Variants in HIF3A observed in about 807,000 individuals in gnomAD.
HIF3A encodes hypoxia inducible factor 3 subunit alpha.
A neutral mutation model predicts 67.2 loss-of-function variants in HIF3A; 41 were observed. The observed-to-expected ratio is 0.61, with a 90% CI of 0.48 to 0.79. The LOEUF (loss-of-function observed/expected upper bound fraction) is 0.79, where lower values mean the gene tolerates loss of function less well. Ranked by LOEUF, HIF3A falls within the 30% of genes least tolerant of loss-of-function variation. The probability of loss-of-function intolerance (pLI) is 0.00; values close to 1 mark genes in which losing one functional copy is unlikely to be tolerated. For missense variants in HIF3A, 855 were observed against 898.0 expected, an observed-to-expected ratio of 0.95 and a Z score of 0.61; for synonymous variants, 356 against 374.8, an observed-to-expected ratio of 0.95 and a Z score of 0.58.
At chr19:46,335,358 C>T (rs775668975) in intron 14 of HIF3A, among the ~76,000 whole-genome samples, 5 of 151,968 alleles carry the variant, frequency 3.3e-5, no homozygotes, top group Non-Finnish European at 7.4e-5. Context: ...CAACCTCCGC[C>T]TCCCAGGTTC....
At chr19:46,311,911 C>T (rs1969460013) in intron 6 of HIF3A, among the ~76,000 whole-genome samples, 1 of 152,080 alleles carries the variant, frequency 6.6e-6, no homozygotes, top group Non-Finnish European at 1.5e-5. Flanking sequence ...ATCATATCTG[C>T]AAAGTCCCTT....
At chr19:46,315,470 G>A (rs1252522262) in intron 8 of HIF3A, among the ~76,000 whole-genome samples, 1 of 149,020 alleles carries the variant, frequency 6.7e-6, no homozygotes, top group African/African-American at 2.4e-5. Flanking sequence ...GGAAGACGCT[G>A]GGCTGTTTCC....
At chr19:46,322,660 C>G (rs1207977714) in intron 10 of HIF3A, among the ~76,000 whole-genome samples, 2 of 152,136 alleles carry the variant, frequency 1.3e-5, no homozygotes, top group East Asian at 1.9e-4. Context: ...AGGCTGGTCT[C>G]GAGCTCCTGA....
At chr19:46,315,509 A>G (rs559672370) in intron 8 of HIF3A, among the ~76,000 whole-genome samples, 164 of 150,930 alleles carry the variant, frequency 1.1e-3, no homozygotes, top group Non-Finnish European at 1.7e-3. Flanking sequence ...AAAAACAGCT[A>G]CTGTAAACAT....
chr19:46,335,680 G>A (rs1317964342), intron 14 of HIF3A, among the ~76,000 whole-genome samples: 1 of 152,060 alleles, frequency 6.6e-6, no homozygotes, highest in African/African-American at 2.4e-5. Flanking sequence ...AGGCTGCAGT[G>A]AGCTATGATG....
intron 13 of HIF3A, 71 bp downstream of exon 13, chr19:46,331,344 T>C: frequency 7.9e-7 from 1 of 1,263,084 alleles, no homozygotes; most frequent in South Asian, 1.2e-5. Context: ...GTTTTATAGA[T>C]AGGAAACCAG....
chr19:46,321,754 C>T (rs1209226739), intron 9 of HIF3A, 22 bp from the exon 10 acceptor site: 2 of 1,607,484 alleles, frequency 1.2e-6, no homozygotes, highest in Admixed American at 1.7e-5. Context: ...CCGTGTCCTC[C>T]CCATCTCCAT....
chr19:46,319,768 T>C (rs1970213750), intron 8 of HIF3A, among the ~76,000 whole-genome samples: 1 of 151,990 alleles, frequency 6.6e-6, no homozygotes, highest in Non-Finnish European at 1.5e-5. Context: ...GGGCCTCCTC[T>C]CTCTGTTCCT....
chr19:46,333,028 A>ATG (rs1489422426), intron 13 of HIF3A, among the ~76,000 whole-genome samples: 1 of 151,422 alleles, frequency 6.6e-6, no homozygotes, highest in East Asian at 1.9e-4. Context: ...ATATGTATAT[A>ATG]TGTGTGTATA....
chr19:46,338,605 T>G (rs887233463), intron 14 of HIF3A: 1 of 885,960 alleles, frequency 1.1e-6, no homozygotes, highest in African/African-American at 1.8e-5. Context: ...TCACCAGTAC[T>G]AGTTATGGTT....
chr19:46,314,300 C>G (rs376101808), intron 8 of HIF3A, among the ~76,000 whole-genome samples: 1 of 145,580 alleles, frequency 6.9e-6, no homozygotes, highest in East Asian at 2.3e-4. Context: ...ATGACTAGAG[C>G]CTCTGAGGTG....
intron 13 of HIF3A, among the ~76,000 whole-genome samples, chr19:46,333,384 G>A (rs1176072685): frequency 1.3e-5 from 2 of 152,186 alleles, no homozygotes; most frequent in Non-Finnish European, 2.9e-5. Context: ...GCCTGAAGGT[G>A]CAGGGCGGGG....
intron 1 of HIF3A, among the ~76,000 whole-genome samples, chr19:46,302,926 G>A (rs546491867): frequency 1.3e-5 from 2 of 152,336 alleles, no homozygotes; most frequent in Admixed American, 1.3e-4. Context: ...AAGACCTGGA[G>A]TTTGAATTTG....
At chr19:46,332,874 C>G (rs1971337426) in intron 13 of HIF3A, among the ~76,000 whole-genome samples, 1 of 151,368 alleles carries the variant, frequency 6.6e-6, no homozygotes, top group Non-Finnish European at 1.5e-5. Flanking sequence ...GCCAGCTACT[C>G]GGAAGGCTAA....
chr19:46,313,735 G>A (rs1320632657), intron 8 of HIF3A, among the ~76,000 whole-genome samples: 4 of 145,540 alleles, frequency 2.7e-5, no homozygotes, highest in African/African-American at 7.7e-5. Context: ...GCACGATCTC[G>A]GCTCACTTCA....
chr19:46,337,554 T>TC (rs1971718878), intron 14 of HIF3A, among the ~76,000 whole-genome samples: 3 of 152,110 alleles, frequency 2.0e-5, no homozygotes, highest in Admixed American at 2.0e-4. Context: ...TGCCTGGCTG[T>TC]CTCTGTCTTC....
rs757708397 is a variant in HIF3A at position 46,331,246 on chromosome 19, A to C, written c.1803A>C (p.Glu601Asp). ...PPKRSPSPEHENFLLFPLSLS... is the reference protein window; with the variant it reads ...PPKRSPSPEHDNFLLFPLSLS... Reference sequence around the variant, plus strand: ...AAAGGTCCCCCAGCCCAGAACACGAAAACTTTCTGCTCTTTCCTCTCAGCC... The same window carrying C: ...AAAGGTCCCCCAGCCCAGAACACGACAACTTTCTGCTCTTTCCTCTCAGCC... Residue 601 changes from glutamate to aspartate, a missense_variant, in exon 13 of 15, where the codon GAA (glutamate) becomes GAC (aspartate). Coordinates refer to ENST00000377670, the MANE Select transcript of HIF3A (RefSeq NM_152795.4). 1.9e-6 allele frequency: 3 copies of C among 1,613,950 alleles called. No homozygotes were observed. The highest frequency in any genetic ancestry group is 2.5e-6 in the Non-Finnish European group (3 of 1,179,890).
At position 46,321,977 on chromosome 19, in the gene HIF3A, C is replaced by T. The variant is rs537967700; in HGVS notation, c.1335+11C>T. ...CAAAGTCCTCTTTCGGTAAGCCATC[C>T]CACCCATGTGAGCCCTCAGCATCCA... On this transcript the variant is annotated intron_variant, in intron 10 of 14. Transcript: ENST00000377670. The T allele has an allele frequency of 6.2e-7, 1 of 1,612,854 alleles. No individual in the cohort carries two copies. The highest frequency in any genetic ancestry group is 8.5e-7 in the Non-Finnish European group (1 of 1,179,410).
intron 1 of HIF3A, 173 bp from the exon 2 acceptor site, chr19:46,303,725 C>T (rs368495059): frequency 1.3e-4 from 199 of 1,554,074 alleles, no homozygotes; most frequent in Non-Finnish European, 1.7e-4. Context: ...CAGTGTAGCC[C>T]TTCCAGGCCC....
Sources: gnomAD v4.1 joint callset for allele counts (sites outside exome capture counted in the v4.1 genomes callset) on GRCh38, gnomAD v4.1.1 for gene constraint, MANE v1.5 for transcripts, NCBI Gene and HGNC (gene_info 2026-07-23, HGNC 2026-07-21) for gene names.